Variants in SHB observed in about 807,000 individuals in gnomAD.
SHB encodes SH2 domain containing adaptor protein B.
In SHB, 20 loss-of-function variants were observed where a neutral mutation model predicts 52.3. The ratio of observed to expected loss-of-function variants is 0.38; its 90% confidence interval spans 0.27 to 0.56. SHB has a LOEUF of 0.56. Ranked by LOEUF, SHB falls within the 20% of genes least tolerant of loss-of-function variation. The pLI, the probability that SHB is intolerant of heterozygous loss-of-function variation, is 0.71. For synonymous variants in SHB, 397 were observed against 316.5 expected (o/e 1.25, Z -2.70); for missense variants, 825 against 723.3 (o/e 1.14, Z -1.61).
At chr9:38,029,805 A>G (rs914092857) in intron 1 of SHB, among the ~76,000 whole-genome samples, 1 of 152,174 alleles carries the variant, frequency 6.6e-6, no homozygotes, top group Non-Finnish European at 1.5e-5. Context: ...ATGAGATTTA[A>G]ATGAGTTAGT....
chr9:38,003,192 G>C (rs968558631), intron 2 of SHB, among the ~76,000 whole-genome samples: 1 of 152,030 alleles, frequency 6.6e-6, no homozygotes, highest in Non-Finnish European at 1.5e-5. Context: ...GAGTGAGAAG[G>C]GGGCAGGGAT....
chr9:37,985,537 G>A (rs1187592330), intron 2 of SHB, among the ~76,000 whole-genome samples: 1 of 152,254 alleles, frequency 6.6e-6, no homozygotes, highest in Admixed American at 6.5e-5. Context: ...CATCCCCCGT[G>A]GAGACTCACT....
chr9:38,026,310 G>C (rs1821343578), intron 1 of SHB, among the ~76,000 whole-genome samples: 1 of 152,248 alleles, frequency 6.6e-6, no homozygotes, highest in Non-Finnish European at 1.5e-5. Flanking sequence ...AAGGTTAAAG[G>C]GGAGAAAGAG....
intron 1 of SHB, among the ~76,000 whole-genome samples, chr9:38,026,753 T>C (rs1821347940): frequency 6.6e-6 from 1 of 152,258 alleles, no homozygotes; most frequent in Non-Finnish European, 1.5e-5. Flanking sequence ...GTTTCTCACA[T>C]GTACTCGGCG....
intron 2 of SHB, among the ~76,000 whole-genome samples, chr9:37,993,307 A>T (rs1820907664): frequency 6.6e-6 from 1 of 152,208 alleles, no homozygotes; most frequent in African/African-American, 2.4e-5. Flanking sequence ...AAGTCACAGG[A>T]AGAAAAACGA....
chr9:38,066,677 G>A (rs2118206942), intron 1 of SHB, among the ~76,000 whole-genome samples: 1 of 152,296 alleles, frequency 6.6e-6, no homozygotes, highest in East Asian at 1.9e-4. Context: ...AACAGGGGAG[G>A]GGATATTCTG....
In SHB at chr9:37,951,921, G is replaced by C. The variant is rs559291527; in HGVS notation, c.1227-3167C>G. Among the ~76,000 whole-genome samples the C allele has an allele frequency of 2.0e-5, 3 of 152,360 alleles. No individual in the cohort carries two copies. In the South Asian group the frequency reaches 6.2e-4, roughly 32 times the overall value. ...GTCCTGTGGGGGGCTACAGCCAACT[G>C]TTGGGCCCACGTAGGCCTTGCTTCA... On this transcript the variant is annotated intron_variant, in intron 4 of 5. Coordinates refer to ENST00000377707, the MANE Select transcript of SHB (RefSeq NM_003028.3).
chr9:38,045,611 CA>C (rs199836317), intron 1 of SHB, among the ~76,000 whole-genome samples: 23 of 150,976 alleles, frequency 1.5e-4, no homozygotes, highest in African/African-American at 4.9e-4. Flanking sequence ...ACCCTGTCTC[CA>C]AAAAAAACAA....
intron 5 of SHB, among the ~76,000 whole-genome samples, chr9:37,943,095 T>C (rs16934639): frequency 0.12 from 18,917 of 152,094 alleles, 1,207 homozygotes; most frequent in African/African-American, 0.16. Flanking sequence ...CAGGGCTACA[T>C]CTCTCTTGGG....
Position 38,068,384 on chromosome 9 carries a change from T to C in SHB, c.262A>G (p.Lys88Glu), listed in dbSNP as rs771991231. 1 of 1,576,574 alleles carries C rather than the reference T, an allele frequency of 6.3e-7. No individual in the cohort carries two copies. Among genetic ancestry groups the C allele is most frequent in the Non-Finnish European group, 8.6e-7 (1 of 1,164,906 alleles). ...SDLIRAYRAQKERDFEDPYNG... is the reference protein window; with the variant it reads ...SDLIRAYRAQEERDFEDPYNG... ...TAGGGGTCCTCGAAGTCTCGCTCCT[T>C]CTGCGCGCGGTAGGCGCGGATGAGG... The change falls in exon 1 of 6, where the codon AAG becomes GAG. Residue 88 changes from lysine to glutamate, a missense_variant. By Grantham distance (56) the Lys-to-Glu change is moderately conservative. Transcript: ENST00000377707.
intron 1 of SHB, among the ~76,000 whole-genome samples, chr9:38,066,308 A>G (rs1326818230): frequency 6.6e-6 from 1 of 152,200 alleles, no homozygotes; most frequent in African/African-American, 2.4e-5. Flanking sequence ...CAGGGTAACA[A>G]GGAGGATGCA....
intron 2 of SHB, among the ~76,000 whole-genome samples, chr9:37,978,325 G>A (rs1820678569): frequency 6.6e-6 from 1 of 152,212 alleles, no homozygotes; most frequent in Non-Finnish European, 1.5e-5. Context: ...ATGGCATGCA[G>A]TTAGGGCAGG....
chr9:38,031,886 A>G (rs1204725893), intron 1 of SHB, among the ~76,000 whole-genome samples: 1 of 152,172 alleles, frequency 6.6e-6, no homozygotes. Context: ...AAAAGAGCAA[A>G]CTTTGATCCA....
intron 3 of SHB, among the ~76,000 whole-genome samples, chr9:37,960,320 G>C (rs751623390): frequency 3.3e-4 from 51 of 152,312 alleles, no homozygotes; most frequent in Admixed American, 1.4e-3. Flanking sequence ...TTTTAATTTA[G>C]TGATTTTTCT....
At chr9:37,928,047 T>TC (rs1832271093) in intron 5 of SHB, among the ~76,000 whole-genome samples, 1 of 152,086 alleles carries the variant, frequency 6.6e-6, no homozygotes, top group Middle Eastern at 3.2e-3. Flanking sequence ...CCTGGGCGCT[T>TC]CCCCAAAGGG....
At chr9:38,063,113 T>C (rs148344401) in intron 1 of SHB, among the ~76,000 whole-genome samples, 14 of 152,346 alleles carry the variant, frequency 9.2e-5, no homozygotes, top group Admixed American at 7.8e-4. Context: ...AGCATTTCTC[T>C]CACACTGCTT....
intron 2 of SHB, 115 bp downstream of exon 2, chr9:38,015,896 G>C: frequency 9.9e-7 from 1 of 1,015,014 alleles, no homozygotes. Context: ...CTACCAACTT[G>C]AAAGCACACA....
rs564964417 is a variant in SHB, at chr9:37,973,216, C to T, written c.1054+1406G>A. On this transcript the variant is annotated intron_variant, in intron 3 of 5. Transcript: ENST00000377707. ...CCATTTTCCATGATTATAAACAGTGCCTTTTCCGAATTTTTTTATTTTTTA... is the reference window on the plus strand; with the variant it reads ...CCATTTTCCATGATTATAAACAGTGTCTTTTCCGAATTTTTTTATTTTTTA... 9.2e-5 allele frequency among the ~76,000 whole-genome samples: 14 copies of T among 152,232 alleles called. No individual in the cohort carries two copies. The East Asian group carries it at 2.3e-3, about 25-fold the overall frequency.
Position 38,032,705 on chromosome 9 carries a change from T to A in SHB, c.718-16574A>T, listed in dbSNP as rs117316117. 2.8e-3 allele frequency among the ~76,000 whole-genome samples: 433 copies of A among 152,288 alleles called. 2 individuals carry two copies. The highest frequency in any genetic ancestry group is 4.6e-3 in the Non-Finnish European group (315 of 68,024). ...CTCCACCCTGTACCAGCCGTATCCC[T>A]CCTGCCTGGGGGATCCTACTTCCCC... is the stretch of plus-strand genomic sequence containing the variant. On this transcript the variant is annotated intron_variant, in intron 1 of 5. Coordinates refer to ENST00000377707, the MANE Select transcript of SHB (RefSeq NM_003028.3).
Sources: gnomAD v4.1 joint callset for allele counts (sites outside exome capture counted in the v4.1 genomes callset) on GRCh38, gnomAD v4.1.1 for gene constraint, MANE v1.5 for transcripts, NCBI Gene and HGNC (gene_info 2026-07-23, HGNC 2026-07-21) for gene names.